The following XXYLT1 variants were observed in gnomAD, a reference collection of about 807,000 sequenced individuals.
XXYLT1 encodes xyloside xylosyltransferase 1, also known as UDP-xylose:alpha-xyloside alpha-1,3-xylosyltransferase.
Under a neutral mutation model 28.9 loss-of-function variants are expected in XXYLT1, and 20 were observed. The observed-to-expected ratio is 0.69, with a 90% CI of 0.49 to 1.00. XXYLT1 has a LOEUF of 1.00. Among genes scored for constraint, XXYLT1 ranks in the 50% least tolerant of loss-of-function variants. XXYLT1 has a pLI of 0.00. For synonymous variants in XXYLT1, 257 were observed against 253.8 expected (o/e 1.01, Z -0.12); for missense variants, 542 against 560.1 (o/e 0.97, Z 0.33).
intron 3 of XXYLT1, among the ~76,000 whole-genome samples, chr3:195,072,767 C>A (rs570580497): frequency 6.6e-6 from 1 of 152,146 alleles, no homozygotes; most frequent in Non-Finnish European, 1.5e-5. Context: ...TTGTTCAAGG[C>A]GTCCCTACTA....
At chr3:195,140,730 T>A (rs777100340) in intron 3 of XXYLT1, among the ~76,000 whole-genome samples, 1 of 152,136 alleles carries the variant, frequency 6.6e-6, no homozygotes, top group Non-Finnish European at 1.5e-5. Flanking sequence ...CTGGATCTCA[T>A]GAGGACTCAT....
At chr3:195,137,836 C>G (rs1362986391) in intron 3 of XXYLT1, among the ~76,000 whole-genome samples, 1 of 152,152 alleles carries the variant, frequency 6.6e-6, no homozygotes, top group Non-Finnish European at 1.5e-5. Context: ...GCCAGTGATT[C>G]TCAAACAGGA....
chr3:195,150,703 C>A lies in XXYLT1; in HGVS notation c.785+5746G>T, dbSNP rs1720159442. 6.6e-6 allele frequency among the ~76,000 whole-genome samples: 1 copy of A among 152,160 alleles called. No homozygotes were observed. The highest frequency in any genetic ancestry group is 2.4e-5 in the African/African-American group (1 of 41,432). On this transcript the variant is annotated intron_variant, in intron 3 of 3. Coordinates refer to ENST00000310380, the MANE Select transcript of XXYLT1 (RefSeq NM_152531.5). The surrounding 1 kb of genome is among the most constrained non-coding windows in gnomAD (Gnocchi z 4.7). ...AAGCCTATGCCGCCACCAACAAGCTCCCATTCAGAGGATCCTCAGGCGGCC... is the reference window on the plus strand; with the variant it reads ...AAGCCTATGCCGCCACCAACAAGCTACCATTCAGAGGATCCTCAGGCGGCC...
At chr3:195,214,964 G>A (rs1193932365) in intron 2 of XXYLT1, 1 of 151,866 alleles carries the variant, frequency 6.6e-6, no homozygotes, top group African/African-American at 2.4e-5. Flanking sequence ...CAGACTAACA[G>A]CGGATCTCTC....
At chr3:195,146,560 C>T (rs909633865) in intron 3 of XXYLT1, among the ~76,000 whole-genome samples, 6 of 152,288 alleles carry the variant, frequency 3.9e-5, no homozygotes, top group Admixed American at 2.6e-4. Context: ...GCTTTCTATT[C>T]GGGCACAGAG....
chr3:195,110,501 TG>T (rs1717577414), intron 3 of XXYLT1, among the ~76,000 whole-genome samples: 6 of 23,796 alleles, frequency 2.5e-4, no homozygotes, highest in Admixed American at 4.6e-4. Context: ...TATGTGTGCA[TG>T]GTGTGTGGTG....
In XXYLT1 at chr3:195,108,269, C is replaced by T. The variant is rs145038206; in HGVS notation, c.786-38158G>A. Reference sequence around the variant, plus strand: ...GCTAGGCATAAACATTAATTAGAAACGCAAACCACCATACTGATAAAAACA... The same window carrying T: ...GCTAGGCATAAACATTAATTAGAAATGCAAACCACCATACTGATAAAAACA... On this transcript the variant is annotated intron_variant, in intron 3 of 3. Coordinates refer to ENST00000310380, the MANE Select transcript of XXYLT1 (RefSeq NM_152531.5). Among the ~76,000 whole-genome samples, 26 of 152,314 alleles carry T rather than the reference C, an allele frequency of 1.7e-4. No homozygotes were observed. The East Asian group carries it at 2.5e-3, about 15-fold the overall frequency.
chr3:195,104,217 G>A (rs777344267), intron 3 of XXYLT1, among the ~76,000 whole-genome samples: 28,541 of 102,756 alleles, frequency 0.28, 3,503 homozygotes, highest in Admixed American at 0.38. Context: ...GTGTGTGTGT[G>A]TGTGTGTGTG....
chr3:195,111,781 T>C (rs1717731820), intron 3 of XXYLT1, among the ~76,000 whole-genome samples: 1 of 152,182 alleles, frequency 6.6e-6, no homozygotes, highest in African/African-American at 2.4e-5. Context: ...TCACAGGGCC[T>C]TGAGGCTGGA....
intron 3 of XXYLT1, 29 bp from the exon 4 acceptor site, chr3:195,070,140 G>T: frequency 6.6e-7 from 1 of 1,510,140 alleles, no homozygotes; most frequent in Non-Finnish European, 8.8e-7. Flanking sequence ...GAGTTAGTCC[G>T]GTGTGCAGGG....
At position 195,073,568 on chromosome 3, in the gene XXYLT1, C is replaced by T. The variant is rs929677967; in HGVS notation, c.786-3457G>A. Among the ~76,000 whole-genome samples the T allele has an allele frequency of 3.9e-5, 6 of 152,124 alleles. No individual in the cohort carries two copies. In the East Asian group the frequency reaches 1.2e-3, roughly 29 times the overall value. Reference sequence around the variant, plus strand: ...GGCCTGTGGAGAGTCTTGTTCCTGTCTTCCATAGTCACCTGGAGACCCACG... The same window carrying T: ...GGCCTGTGGAGAGTCTTGTTCCTGTTTTCCATAGTCACCTGGAGACCCACG... On this transcript the variant is annotated intron_variant, in intron 3 of 3. Transcript: ENST00000310380.
intron 3 of XXYLT1, among the ~76,000 whole-genome samples, chr3:195,141,660 G>C (rs1474573408): frequency 6.6e-6 from 1 of 152,138 alleles, no homozygotes; most frequent in African/African-American, 2.4e-5. Flanking sequence ...CACTCCATTA[G>C]CCTTTGAGCA....
chr3:195,270,390 C>G, intron 1 of XXYLT1, 165 bp downstream of exon 1: 1 of 976,936 alleles, frequency 1.0e-6, no homozygotes, highest in Non-Finnish European at 1.2e-6. Flanking sequence ...CCCGGACACG[C>G]CCCCGAACGA....
At chr3:195,072,250 A>C (rs1321946351) in intron 3 of XXYLT1, among the ~76,000 whole-genome samples, 2 of 151,904 alleles carry the variant, frequency 1.3e-5, no homozygotes, top group Non-Finnish European at 2.9e-5. Context: ...AGATTCACTG[A>C]GCCCTCAACC....
At chr3:195,188,301 T>C (rs1368180984) in intron 2 of XXYLT1, among the ~76,000 whole-genome samples, 8 of 152,154 alleles carry the variant, frequency 5.3e-5, no homozygotes, top group Non-Finnish European at 1.2e-4. Context: ...CGGGACCAAA[T>C]TGAGGACTGG....
chr3:195,069,289 G>A lies in XXYLT1; in HGVS notation c.*426C>T. On this transcript the variant is annotated 3_prime_UTR_variant, in exon 4 of 4. Coordinates refer to ENST00000310380, the MANE Select transcript of XXYLT1 (RefSeq NM_152531.5). ...TACCTTACCCGTTTGGGGCTCGATG[G>A]GTGCTAAAGCAGTTCTGTTTGTACT... is the stretch of plus-strand genomic sequence containing the variant. 6.0e-6 allele frequency: 1 copy of A among 165,704 alleles called. No homozygotes were observed. Among genetic ancestry groups the A allele is most frequent in the Non-Finnish European group, 1.3e-5 (1 of 76,150 alleles). 10.3% of individuals were successfully genotyped at this position (165,704 alleles called of 1,614,324 possible). A position where few individuals can be genotyped will look rare whatever the true frequency, so the allele number is the denominator to read the frequency against.
intron 2 of XXYLT1, among the ~76,000 whole-genome samples, chr3:195,167,499 G>A (rs1214636399): frequency 1.3e-5 from 2 of 152,158 alleles, no homozygotes; most frequent in African/African-American, 4.8e-5. Flanking sequence ...GCTGAGGCAG[G>A]AGAACAACTT....
At chr3:195,229,215 C>T (rs973991213) in intron 1 of XXYLT1, among the ~76,000 whole-genome samples, 1 of 152,078 alleles carries the variant, frequency 6.6e-6, no homozygotes, top group Non-Finnish European at 1.5e-5. Flanking sequence ...TTCTAAAACA[C>T]TATTAAATTT....
chr3:195,251,462 T>G (rs1276204947), intron 1 of XXYLT1, among the ~76,000 whole-genome samples: 1 of 152,160 alleles, frequency 6.6e-6, no homozygotes, highest in East Asian at 1.9e-4. Flanking sequence ...CACCTGCCCA[T>G]GAAGGGAGTG....
Sources: gnomAD v4.1 joint callset for allele counts (sites outside exome capture counted in the v4.1 genomes callset) on GRCh38, gnomAD v4.1.1 for gene constraint, Gnocchi (gnomAD v3.1) non-coding constraint, MANE v1.5 for transcripts, NCBI Gene and HGNC (gene_info 2026-07-23, HGNC 2026-07-21) for gene names.